TAF4B: variants seen among roughly 807,000 people sequenced by gnomAD.
TAF4B encodes transcription initiation factor TFIID subunit 4B.
TAF4B carries 38 observed loss-of-function variants against 86.4 expected under a neutral mutation model. The observed-to-expected ratio is 0.44, with a 90% CI of 0.34 to 0.58. TAF4B has a LOEUF of 0.58. TAF4B is among the 20% of genes least tolerant of loss of function. The pLI is 0.02. For missense variants in TAF4B, 988 were observed against 1,027.6 expected (o/e 0.96, Z 0.53); for synonymous variants, 388 against 391.2 (o/e 0.99, Z 0.10).
chr18:26,260,776 C>G (rs1029089149), intron 1 of TAF4B, among the ~76,000 whole-genome samples: 5 of 152,134 alleles, frequency 3.3e-5, no homozygotes, highest in African/African-American at 1.2e-4. Context: ...GACAGAAGTT[C>G]CGTTTTTTAA....
intron 1 of TAF4B, among the ~76,000 whole-genome samples, chr18:26,230,728 G>GTTCTTTTTGATTACAAGT (rs2055652020): frequency 2.0e-5 from 3 of 152,052 alleles, no homozygotes; most frequent in Non-Finnish European, 1.5e-5. Flanking sequence ...TGATTACAAG[G>GTTCTTTTTGATTACAAGT]TCCTTTTTGA....
chr18:26,341,257 T>C (rs2057132836), intron 13 of TAF4B, among the ~76,000 whole-genome samples: 1 of 152,102 alleles, frequency 6.6e-6, no homozygotes, highest in Admixed American at 6.6e-5. Context: ...TGTCATAATT[T>C]AGGGGAAGGC....
chr18:26,309,434 G>A (rs1202713433), intron 9 of TAF4B, among the ~76,000 whole-genome samples: 2 of 151,828 alleles, frequency 1.3e-5, no homozygotes, highest in African/African-American at 4.8e-5. Context: ...TCTAAATTTG[G>A]AAGAACTGTA....
At chr18:26,265,392 G>T in intron 2 of TAF4B, 77 bp downstream of exon 2, 1 of 1,415,776 alleles carries the variant, frequency 7.1e-7, no homozygotes, top group Admixed American at 2.5e-5. Context: ...GTATATGTTT[G>T]CTAGTAAAAA....
chr18:26,344,079 T>C (rs919952281), intron 13 of TAF4B, among the ~76,000 whole-genome samples: 3 of 152,088 alleles, frequency 2.0e-5, no homozygotes, highest in Non-Finnish European at 2.9e-5. Flanking sequence ...CTAGAAAATA[T>C]AAAGAATAAA....
intron 9 of TAF4B, among the ~76,000 whole-genome samples, chr18:26,302,719 G>C (rs977363318): frequency 6.6e-6 from 1 of 151,904 alleles, no homozygotes; most frequent in Non-Finnish European, 1.5e-5. Flanking sequence ...TTTTGCTATG[G>C]TTTGGAGGTT....
intron 14 of TAF4B, among the ~76,000 whole-genome samples, chr18:26,370,732 T>G (rs996010731): frequency 2.0e-5 from 3 of 152,050 alleles, no homozygotes; most frequent in Non-Finnish European, 4.4e-5. Flanking sequence ...GAATATAAAG[T>G]TGGATCAGGC....
intron 3 of TAF4B, among the ~76,000 whole-genome samples, chr18:26,272,887 A>G (rs961877265): frequency 1.9e-5 from 2 of 108,096 alleles, no homozygotes; most frequent in Non-Finnish European, 4.4e-5. Flanking sequence ...TGTGCATTTG[A>G]GGCTCTATAT....
intron 14 of TAF4B, among the ~76,000 whole-genome samples, chr18:26,359,553 T>C (rs1008002423): frequency 6.6e-6 from 1 of 152,202 alleles, no homozygotes; most frequent in African/African-American, 2.4e-5. Context: ...TACAAAAAAC[T>C]GCCTTTATTT....
intron 1 of TAF4B, among the ~76,000 whole-genome samples, chr18:26,242,406 C>T (rs2055853501): frequency 1.3e-5 from 2 of 152,118 alleles, no homozygotes; most frequent in African/African-American, 2.4e-5. Flanking sequence ...AGGATTGCAA[C>T]CCTTGCCTTT....
intron 1 of TAF4B, among the ~76,000 whole-genome samples, chr18:26,234,458 T>C (rs1376437665): frequency 6.6e-6 from 1 of 152,246 alleles, no homozygotes; most frequent in African/African-American, 2.4e-5. Flanking sequence ...ATACTTGCTA[T>C]CTGTATACAC....
At chr18:26,336,938 T>C (rs1300475056) in intron 13 of TAF4B, among the ~76,000 whole-genome samples, 1 of 152,224 alleles carries the variant, frequency 6.6e-6, no homozygotes, top group African/African-American at 2.4e-5. Context: ...TTGCATTTTA[T>C]TTTAGTATGT....
At chr18:26,314,439 G>A (rs1264105106) in intron 9 of TAF4B, among the ~76,000 whole-genome samples, 1 of 142,568 alleles carries the variant, frequency 7.0e-6, no homozygotes, top group Non-Finnish European at 1.6e-5. Flanking sequence ...AAAGCAAGGA[G>A]CCCAGACATC....
chr18:26,259,339 G>T (rs1452773764), intron 1 of TAF4B, among the ~76,000 whole-genome samples: 1 of 151,062 alleles, frequency 6.6e-6, no homozygotes, highest in African/African-American at 2.4e-5. Flanking sequence ...CAACATGCAG[G>T]TTTGTTACAT....
At chr18:26,333,261 C>A (rs2057065722) in intron 12 of TAF4B, among the ~76,000 whole-genome samples, 3 of 150,970 alleles carry the variant, frequency 2.0e-5, no homozygotes, top group Admixed American at 2.0e-4. Flanking sequence ...TGCTGTGTTG[C>A]CCAGGCTGGA....
At chr18:26,329,879 A>G (rs1304136045) in intron 12 of TAF4B, among the ~76,000 whole-genome samples, 1 of 152,132 alleles carries the variant, frequency 6.6e-6, no homozygotes, top group Non-Finnish European at 1.5e-5. Context: ...ATCACTGCTC[A>G]CTGCAGCCTT....
At chr18:26,367,300 C>T (rs1187523393) in intron 14 of TAF4B, among the ~76,000 whole-genome samples, 1 of 152,148 alleles carries the variant, frequency 6.6e-6, no homozygotes, top group Non-Finnish European at 1.5e-5. Context: ...AATGTGAAGT[C>T]CTGAGAAACA....
rs555076892 is a variant in TAF4B at position 26,388,766 on chromosome 18, T to C, written c.2422-1079T>C. On this transcript the variant is annotated intron_variant, in intron 14 of 14. Coordinates refer to ENST00000269142, the MANE Select transcript of TAF4B (RefSeq NM_005640.3). Reference sequence around the variant, plus strand: ...ATGGGTTTATACGTGATATGGTGGATAATATAGCACAGTGGTTAAGAGTGC... The same window carrying C: ...ATGGGTTTATACGTGATATGGTGGACAATATAGCACAGTGGTTAAGAGTGC... Among the ~76,000 whole-genome samples the C allele has an allele frequency of 2.1e-3, 313 of 152,366 alleles. 1 individual carries two copies. The highest frequency in any genetic ancestry group is 4.2e-3 in the Admixed American group (64 of 15,296).
chr18:26,332,598 C>T (rs551751327), intron 12 of TAF4B, among the ~76,000 whole-genome samples: 4 of 152,136 alleles, frequency 2.6e-5, no homozygotes, highest in Admixed American at 1.3e-4. Flanking sequence ...GGGGTGGTCT[C>T]GGCTCACTGC....
Sources: gnomAD v4.1 joint callset for allele counts (sites outside exome capture counted in the v4.1 genomes callset) on GRCh38, gnomAD v4.1.1 for gene constraint, MANE v1.5 for transcripts, NCBI Gene and HGNC (gene_info 2026-07-23, HGNC 2026-07-21) for gene names.